Variants in ERC1 observed in about 807,000 individuals in gnomAD.
ERC1 encodes the protein ELKS/RAB6-interacting/CAST family member 1.
ERC1 carries 56 observed loss-of-function variants against 132.0 expected under a neutral mutation model. The ratio of observed to expected loss-of-function variants is 0.42; its 90% confidence interval spans 0.34 to 0.53. ERC1 has a LOEUF of 0.53. ERC1 is among the 20% of genes least tolerant of loss of function. The pLI, the probability that ERC1 is intolerant of heterozygous loss-of-function variation, is 0.03. For missense variants in ERC1, 1,202 were observed against 1,349.9 expected, an observed-to-expected ratio of 0.89 and a Z score of 1.72; for synonymous variants, 478 against 476.1, an observed-to-expected ratio of 1.00 and a Z score of -0.05.
At chr12:1,428,908 C>T (rs899702672) in intron 17 of ERC1, among the ~76,000 whole-genome samples, 2 of 152,164 alleles carry the variant, frequency 1.3e-5, no homozygotes, top group Admixed American at 6.5e-5. Flanking sequence ...TCTGGCTCGG[C>T]ATTTCTGGGA....
intron 2 of ERC1, among the ~76,000 whole-genome samples, chr12:1,067,993 G>A (rs1043467663): frequency 2.3e-4 from 33 of 146,646 alleles, no homozygotes; most frequent in Admixed American, 2.1e-3. Context: ...GTGCAGTGGC[G>A]CGATCTCAGC....
intron 15 of ERC1, among the ~76,000 whole-genome samples, chr12:1,351,722 G>C (rs536718145): frequency 4.6e-5 from 7 of 151,872 alleles, no homozygotes; most frequent in Non-Finnish European, 1.0e-4. Context: ...TATTTATGGG[G>C]TACATAGTGA....
intron 12 of ERC1, among the ~76,000 whole-genome samples, chr12:1,195,043 T>C (rs1333281188): frequency 1.3e-5 from 2 of 152,048 alleles, no homozygotes; most frequent in East Asian, 1.9e-4. Flanking sequence ...GTTATTGATA[T>C]ATGAGCAGCG....
chr12:1,091,538 G>T (rs1943217494), intron 3 of ERC1, among the ~76,000 whole-genome samples: 1 of 152,214 alleles, frequency 6.6e-6, no homozygotes. Context: ...GGTGGCCAGA[G>T]TCAGATTCAC....
At chr12:1,276,021 A>G (rs1265268952) in intron 14 of ERC1, among the ~76,000 whole-genome samples, 1 of 152,148 alleles carries the variant, frequency 6.6e-6, no homozygotes, top group Admixed American at 6.5e-5. Flanking sequence ...AATGTTTTCT[A>G]GGTCGAAAAC....
intron 15 of ERC1, among the ~76,000 whole-genome samples, chr12:1,340,863 G>T (rs927952520): frequency 6.6e-6 from 1 of 151,928 alleles, no homozygotes; most frequent in African/African-American, 2.4e-5. Flanking sequence ...GCCTCCCAAA[G>T]TGCTGAGATT....
chr12:996,764 C>T (rs919919228), intron 1 of ERC1, among the ~76,000 whole-genome samples: 1 of 152,170 alleles, frequency 6.6e-6, no homozygotes, highest in Admixed American at 6.5e-5. Flanking sequence ...AAAAGTCTCT[C>T]CTATCCCATC....
chr12:1,272,225 G>A (rs73595944), intron 14 of ERC1, among the ~76,000 whole-genome samples: 4,708 of 152,278 alleles, frequency 0.031, 245 homozygotes, highest in African/African-American at 0.11. Context: ...ATTCTGACAC[G>A]TGGTAAAGCC....
intron 15 of ERC1, among the ~76,000 whole-genome samples, chr12:1,304,111 G>A (rs1807769678): frequency 6.6e-6 from 1 of 152,154 alleles, no homozygotes; most frequent in Non-Finnish European, 1.5e-5. Flanking sequence ...TGGGAGTTGG[G>A]AGAGAGGTAT....
intron 12 of ERC1, among the ~76,000 whole-genome samples, chr12:1,220,366 C>A (rs1958862523): frequency 6.6e-6 from 1 of 152,146 alleles, no homozygotes; most frequent in African/African-American, 2.4e-5. Context: ...TAACTCTTGG[C>A]AGGCATTCAG....
intron 7 of ERC1, among the ~76,000 whole-genome samples, chr12:1,138,040 T>A (rs1399755914): frequency 1.6e-5 from 2 of 127,120 alleles, no homozygotes; most frequent in African/African-American, 6.1e-5. Context: ...TAATTATATA[T>A]AAAATACAAT....
chr12:1,346,899 G>T (rs560032391), intron 15 of ERC1, among the ~76,000 whole-genome samples: 2 of 144,570 alleles, frequency 1.4e-5, no homozygotes, highest in African/African-American at 2.6e-5. Context: ...CCGAGATTGC[G>T]CCACTGCAGT....
At chr12:1,002,573 A>G (rs376968814) in intron 1 of ERC1, among the ~76,000 whole-genome samples, 12 of 152,224 alleles carry the variant, frequency 7.9e-5, no homozygotes, top group African/African-American at 1.9e-4. Flanking sequence ...GGATATGCAT[A>G]TGTAGAATTT....
chr12:1,349,125 G>A (rs956649093), intron 15 of ERC1, among the ~76,000 whole-genome samples: 4 of 152,154 alleles, frequency 2.6e-5, no homozygotes, highest in African/African-American at 7.2e-5. Context: ...ACAAGTAGAC[G>A]TCTATTGAAA....
intron 14 of ERC1, among the ~76,000 whole-genome samples, chr12:1,282,466 T>C (rs1449682577): frequency 6.6e-6 from 1 of 152,234 alleles, no homozygotes; most frequent in Non-Finnish European, 1.5e-5. Context: ...ACTATAGTTA[T>C]TCCATAGTTA....
intron 16 of ERC1, among the ~76,000 whole-genome samples, chr12:1,395,094 A>G (rs2090418729): frequency 6.6e-6 from 1 of 152,244 alleles, no homozygotes; most frequent in African/African-American, 2.4e-5. Flanking sequence ...CATTAAAACT[A>G]GAATTGGATT....
chr12:1,001,352 C>T (rs1364151450), intron 1 of ERC1, among the ~76,000 whole-genome samples: 1 of 152,192 alleles, frequency 6.6e-6, no homozygotes, highest in Non-Finnish European at 1.5e-5. Flanking sequence ...GCCACTGTGT[C>T]CGGCCTTGAA....
intron 13 of ERC1, among the ~76,000 whole-genome samples, chr12:1,256,067 C>T (rs1243921978): frequency 6.6e-6 from 1 of 151,986 alleles, no homozygotes; most frequent in Non-Finnish European, 1.5e-5. Flanking sequence ...CTGTTCATAT[C>T]CTTTGCCCAT....
At chr12:1,209,562 C>T (rs1437098773) in intron 12 of ERC1, among the ~76,000 whole-genome samples, 5 of 152,268 alleles carry the variant, frequency 3.3e-5, no homozygotes, top group South Asian at 2.1e-4. Context: ...TGCTCTATAA[C>T]GCAACTTGTA....
Sources: allele counts gnomAD v4.1 joint callset (sites outside exome capture counted in the v4.1 genomes callset), GRCh38; gene constraint gnomAD v4.1.1; transcripts MANE v1.5; gene names NCBI Gene and HGNC (gene_info 2026-07-23, HGNC 2026-07-21).